DAB1: variants seen among roughly 807,000 people sequenced by gnomAD.
DAB1 encodes the protein DAB adaptor protein 1.
DAB1 carries 15 observed loss-of-function variants against 64.6 expected under a neutral mutation model. The ratio of observed to expected loss-of-function variants is 0.23; its 90% CI spans 0.16 to 0.36. The LOEUF is 0.36. DAB1 is among the 10% of genes least tolerant of loss of function. The pLI is 1.00. For synonymous variants in DAB1, 235 were observed against 251.9 expected (o/e 0.93, Z 0.64); for missense variants, 596 against 706.7 (o/e 0.84, Z 1.78).
intron 4 of DAB1, among the ~76,000 whole-genome samples, chr1:58,342,926 G>T (rs1273536024): frequency 6.6e-6 from 1 of 152,124 alleles, no homozygotes; most frequent in African/African-American, 2.4e-5. Context: ...CACCCCAAGT[G>T]TTCCCTCTAA....
At chr1:57,450,980 T>C (rs1686327932) in intron 7 of DAB1, among the ~76,000 whole-genome samples, 1 of 152,256 alleles carries the variant, frequency 6.6e-6, no homozygotes, top group Admixed American at 6.5e-5. Context: ...CTTTCTTTTA[T>C]GCTCTTAAAA....
intron 5 of DAB1, among the ~76,000 whole-genome samples, chr1:57,899,334 G>C (rs999189770): frequency 3.9e-5 from 6 of 152,088 alleles, no homozygotes; most frequent in Admixed American, 2.6e-4. Context: ...TTGGATCCTG[G>C]AGGCAAAATG....
At chr1:57,194,871 G>T (rs1025681732) in intron 2 of DAB1, among the ~76,000 whole-genome samples, 2 of 152,164 alleles carry the variant, frequency 1.3e-5, no homozygotes, top group Non-Finnish European at 2.9e-5. Flanking sequence ...TCAGACACGA[G>T]AATGCAACCA....
intron 3 of DAB1, among the ~76,000 whole-genome samples, chr1:58,471,734 T>C (rs1437846916): frequency 6.6e-6 from 1 of 152,136 alleles, no homozygotes; most frequent in Non-Finnish European, 1.5e-5. Flanking sequence ...CTGGTTGTTT[T>C]AAAAGTGTGT....
intron 9 of DAB1, among the ~76,000 whole-genome samples, chr1:57,029,471 T>G (rs1416245668): frequency 2.6e-5 from 4 of 152,154 alleles, no homozygotes; most frequent in African/African-American, 4.8e-5. Context: ...GCTGTGAGAA[T>G]AGGGCCACTG....
intron 6 of DAB1, among the ~76,000 whole-genome samples, chr1:57,655,772 T>C (rs1332309274): frequency 6.6e-6 from 1 of 152,150 alleles, no homozygotes; most frequent in Admixed American, 6.5e-5. Context: ...TTGTAAAATA[T>C]ACAATAGAAA....
At chr1:58,488,226 G>A (rs697594) in intron 3 of DAB1, among the ~76,000 whole-genome samples, 23,034 of 151,876 alleles carry the variant, frequency 0.15, 1,978 homozygotes, top group Admixed American at 0.26. Context: ...TTACATGTGC[G>A]GAATTTTAAT....
chr1:57,765,214 G>A (rs36085861), intron 6 of DAB1, among the ~76,000 whole-genome samples: 3 of 152,024 alleles, frequency 2.0e-5, no homozygotes, highest in Admixed American at 6.6e-5. Flanking sequence ...TTTTAAACAC[G>A]CTATGTTTTG....
chr1:57,762,456 C>T (rs1295763731), intron 6 of DAB1, among the ~76,000 whole-genome samples: 4 of 151,914 alleles, frequency 2.6e-5, no homozygotes, highest in East Asian at 1.9e-4. Flanking sequence ...CTAAACTAAA[C>T]GGGGAGGCAA....
chr1:57,066,587 CGCTT>C (rs903337938), intron 8 of DAB1, among the ~76,000 whole-genome samples: 5 of 152,108 alleles, frequency 3.3e-5, no homozygotes, highest in Non-Finnish European at 5.9e-5. Flanking sequence ...AAGTGAAGCA[CGCTT>C]GAGGATTTCT....
intron 3 of DAB1, among the ~76,000 whole-genome samples, chr1:58,385,308 T>C (rs1459157889): frequency 6.6e-6 from 1 of 152,244 alleles, no homozygotes. Context: ...TGTGCTTTCC[T>C]AGCTGTGAGT....
At chr1:57,715,505 G>A (rs1647073682) in intron 6 of DAB1, among the ~76,000 whole-genome samples, 1 of 152,154 alleles carries the variant, frequency 6.6e-6, no homozygotes, top group Non-Finnish European at 1.5e-5. Flanking sequence ...AATTGTTTCT[G>A]TTTGCAGATA....
chr1:57,619,086 A>G (rs113380919), intron 7 of DAB1, among the ~76,000 whole-genome samples: 2 of 152,334 alleles, frequency 1.3e-5, no homozygotes, highest in East Asian at 3.9e-4. Flanking sequence ...TGTCAAGGGT[A>G]ATGAAGAAAA....
intron 6 of DAB1, among the ~76,000 whole-genome samples, chr1:57,695,627 C>A (rs113612633): frequency 1.1e-4 from 16 of 152,148 alleles, no homozygotes; most frequent in African/African-American, 3.6e-4. Context: ...GAGCCGGGAG[C>A]GGTGGCTCAC....
chr1:58,313,517 TTCA>T (rs1263484038), intron 4 of DAB1, among the ~76,000 whole-genome samples: 2 of 152,192 alleles, frequency 1.3e-5, no homozygotes, highest in Admixed American at 6.5e-5. Flanking sequence ...ATTGGCTGAA[TTCA>T]TCCAGAAGCC....
At chr1:57,522,863 T>A (rs1250158892) in intron 7 of DAB1, among the ~76,000 whole-genome samples, 1 of 152,228 alleles carries the variant, frequency 6.6e-6, no homozygotes, top group African/African-American at 2.4e-5. Flanking sequence ...CCGGCCTTCA[T>A]CTTTCTCTGG....
upstream of DAB1, among the ~76,000 whole-genome samples, chr1:57,427,128 G>C (rs1295891928): frequency 6.6e-6 from 1 of 152,178 alleles, no homozygotes; most frequent in African/African-American, 2.4e-5. Context: ...CTCCCAAAGT[G>C]CTGGGATTAC....
intron 4 of DAB1, among the ~76,000 whole-genome samples, chr1:57,093,387 G>A (rs1321784471): frequency 6.6e-6 from 1 of 152,172 alleles, no homozygotes; most frequent in Non-Finnish European, 1.5e-5. Flanking sequence ...CCCAGTTCCA[G>A]GCTAATGCCT....
chr1:57,201,052 T>C (rs1354829480), intron 2 of DAB1, among the ~76,000 whole-genome samples: 1 of 152,168 alleles, frequency 6.6e-6, no homozygotes, highest in African/African-American at 2.4e-5. Context: ...ATTACATACA[T>C]TTAATTCAGA....
Sources: gnomAD v4.1 joint callset for allele counts (sites outside exome capture counted in the v4.1 genomes callset) on GRCh38, gnomAD v4.1.1 for gene constraint, MANE v1.5 for transcripts, NCBI Gene and HGNC (gene_info 2026-07-23, HGNC 2026-07-21) for gene names.